Variants in ARMC5 observed in about 807,000 individuals in gnomAD.
ARMC5 encodes armadillo repeat containing 5, also known as armadillo repeat-containing protein 5.
In ARMC5, 28 loss-of-function variants were observed where a neutral mutation model predicts 60.5. The ratio of observed to expected loss-of-function variants is 0.46; its 90% confidence interval spans 0.34 to 0.63. The LOEUF (loss-of-function observed/expected upper bound fraction) is 0.63, where lower values mean the gene tolerates loss of function less well. Among genes scored for constraint, ARMC5 ranks in the 30% least tolerant of loss-of-function variants. The pLI is 0.01. For missense variants in ARMC5, 1,189 were observed against 1,304.9 expected (o/e 0.91, Z 1.37); for synonymous variants, 680 against 607.3 (o/e 1.12, Z -1.76).
At chr16:31,459,149 C>T (rs1232110340), upstream of ARMC5, 1 of 1,500,346 alleles carries the variant, frequency 6.7e-7, no homozygotes, top group African/African-American at 1.4e-5. Flanking sequence ...CGGTCCCCGC[C>T]GAGTGCACGC....
chr16:31,466,877 G>A lies in ARMC5; in HGVS notation c.2796G>A (p.Arg932=). The change falls in exon 6 of 6, where the codon AGG becomes AGA. Residue 932 remains arginine (R), a synonymous_variant. Coordinates refer to ENST00000268314, the MANE Select transcript of ARMC5 (RefSeq NM_001105247.2). This position sits in a 1 kb window ranked among gnomAD's most constrained non-coding sequence, Gnocchi z 8.0. The part of the protein sequence containing the change: ...AVVMGIELGA[R]VPA Reference sequence around the variant, plus strand: ...TGATGGGGATTGAGTTGGGGGCAAGGGTCCCTGCCTAGACTGTTGACGTCC... The same window carrying A: ...TGATGGGGATTGAGTTGGGGGCAAGAGTCCCTGCCTAGACTGTTGACGTCC... 6.4e-7 allele frequency: 1 copy of A among 1,565,400 alleles called. No homozygotes were observed.
At chr16:31,459,017 C>T (rs2082272581), upstream of ARMC5, 1 of 1,532,106 alleles carries the variant, frequency 6.5e-7, no homozygotes, top group Non-Finnish European at 8.7e-7. Flanking sequence ...AGCGAGGGCT[C>T]CCCGTCTGCG....
In ARMC5 at chr16:31,462,915, C is replaced by T. The variant is rs1413879100; in HGVS notation, c.1368C>T (p.Leu456=). ...CACAGGGTGGAAGCTTCCGGAGCCT[C>T]AGGTGAGTCCCTGCCTCAGGGCTTG... The part of the protein sequence containing the change: ...ERAQGGSFRS[L]RSWLISEGYA... Residue 456 remains leucine, a splice_region_variant and synonymous_variant, in exon 3 of 6, where the codon CTC becomes CTT. Coordinates refer to ENST00000268314, the MANE Select transcript of ARMC5 (RefSeq NM_001105247.2). This position sits in a 1 kb window ranked among gnomAD's most constrained non-coding sequence, Gnocchi z 7.2. 2 of 1,580,370 alleles carry T rather than the reference C, an allele frequency of 1.3e-6. No individual in the cohort carries two copies. The highest frequency in any genetic ancestry group is 1.2e-5 in the South Asian group (1 of 86,062).
At position 31,459,686 on chromosome 16, in the gene ARMC5, A is replaced by T; in HGVS notation, c.162A>T (p.Ala54=). 6.4e-7 allele frequency: 1 copy of T among 1,574,034 alleles called. No individual in the cohort carries two copies. The highest frequency in any genetic ancestry group is 8.5e-7 in the Non-Finnish European group (1 of 1,170,170). ...LLALRTRHIK[A]AGGIERFRAR... The stretch of plus-strand genomic sequence containing the variant: ...CCCTCCGCACGCGCCACATCAAGGC[A>T]GCGGGGGGAATCGAGCGCTTCCGGG... The change falls in exon 1 of 6, where the codon GCA becomes GCT. Residue 54 remains alanine (A), a synonymous_variant. Transcript: ENST00000268314.
chr16:31,459,653 G>A lies in ARMC5; in HGVS notation c.129G>A (p.Ala43=), dbSNP rs1225925549. 1 of 1,587,382 alleles carries A rather than the reference G, an allele frequency of 6.3e-7. No individual in the cohort carries two copies. Among genetic ancestry groups the A allele is most frequent in the Non-Finnish European group, 8.5e-7 (1 of 1,174,840 alleles). The part of the protein sequence containing the change: ...PATNETPLSR[A]LLALRTRHIK... Reference sequence around the variant, plus strand: ...CCAACGAGACACCCCTGAGCCGCGCGCTCCTAGCCCTCCGCACGCGCCACA... The same window carrying A: ...CCAACGAGACACCCCTGAGCCGCGCACTCCTAGCCCTCCGCACGCGCCACA... The change falls in exon 1 of 6, where the codon GCG becomes GCA. Residue 43 remains alanine (A), a synonymous_variant. Transcript: ENST00000268314.
intron 4 of ARMC5, chr16:31,465,155 G>A (rs1399915979): frequency 1.9e-6 from 3 of 1,611,570 alleles, no homozygotes; most frequent in Non-Finnish European, 2.5e-6. Context: ...ATCTGGGCTG[G>A]TCTGTGCTTC....
In ARMC5 at chr16:31,462,722, C is replaced by A; in HGVS notation, c.1175C>A (p.Ala392Asp). The A allele has an allele frequency of 6.2e-7, 1 of 1,613,742 alleles. No individual in the cohort carries two copies. The highest frequency in any genetic ancestry group is 8.5e-7 in the Non-Finnish European group (1 of 1,180,032). ...AGCGCATGGCACCCTCGTATTGTGG[C>A]TGCCCTTGTGGGGTTTCTGTATGAC... Reference protein sequence around the residue: ...RASAWHPRIVAALVGFLYDTG... With the variant: ...RASAWHPRIVDALVGFLYDTG... The change falls in exon 3 of 6, where the codon GCT becomes GAT. Residue 392 changes from alanine (A) to aspartate (D), a missense_variant. Physicochemically the swap from Ala to Asp is moderately radical, Grantham distance 126 (BLOSUM62 -2). Transcript: ENST00000268314. This position sits in a 1 kb window ranked among gnomAD's most constrained non-coding sequence, Gnocchi z 7.2.
chr16:31,459,510 G>C lies in ARMC5; in HGVS notation c.-15G>C. The C allele has an allele frequency of 2.5e-6, 4 of 1,595,318 alleles. No homozygotes were observed. The highest frequency in any genetic ancestry group is 2.3e-5 in the South Asian group (2 of 88,336). On this transcript the variant is annotated 5_prime_UTR_variant, in exon 1 of 6. Coordinates refer to ENST00000268314, the MANE Select transcript of ARMC5 (RefSeq NM_001105247.2). Reference sequence around the variant, plus strand: ...AGCGGCGAGAAGCGGGGCGGAGTCTGAGGCCCGAGCCAAGATGGCGGCTGC... The same window carrying C: ...AGCGGCGAGAAGCGGGGCGGAGTCTCAGGCCCGAGCCAAGATGGCGGCTGC...
chr16:31,458,834 A>G, upstream of ARMC5: 1 of 1,533,708 alleles, frequency 6.5e-7, no homozygotes, highest in Non-Finnish European at 8.7e-7. Flanking sequence ...GCTGCGAGTG[A>G]AGAACTCCCC....
At chr16:31,458,733 C>G, upstream of ARMC5, 7 of 1,474,530 alleles carry the variant, frequency 4.7e-6, no homozygotes, top group Non-Finnish European at 6.3e-6. Context: ...CCAGGGGTGA[C>G]CTGGGGGCTC....
rs762616028 is a variant in ARMC5 at position 31,459,663 on chromosome 16, C to G, written c.139C>G (p.Leu47Val). Residue 47 changes from leucine (L) to valine (V), a missense_variant, in exon 1 of 6, where the codon CTC (leucine) becomes GTC (valine). Physicochemically the swap from Leu to Val is conservative, Grantham distance 32. Transcript: ENST00000268314. ...ACCCCTGAGCCGCGCGCTCCTAGCC[C>G]TCCGCACGCGCCACATCAAGGCAGC... ...ETPLSRALLALRTRHIKAAGG... is the reference protein window; with the variant it reads ...ETPLSRALLAVRTRHIKAAGG... 20 of 1,584,152 alleles carry G rather than the reference C, an allele frequency of 1.3e-5. No homozygotes were observed. Among genetic ancestry groups the G allele is most frequent in the Middle Eastern group, 3.3e-4 (2 of 5,978 alleles).
Position 31,466,306 on chromosome 16 carries a change from C to G in ARMC5, c.2225C>G (p.Pro742Arg). 1 of 1,613,846 alleles carries G rather than the reference C, an allele frequency of 6.2e-7. No homozygotes were observed. Among genetic ancestry groups the G allele is most frequent in the South Asian group, 1.1e-5 (1 of 91,078 alleles). Residue 742 changes from proline (P) to arginine (R), a missense_variant, in exon 6 of 6, where the codon CCA (proline) becomes CGA (arginine). Pro to Arg is a moderately radical substitution (Grantham distance 103). Around this residue, in one of 2 missense-constraint regions of ARMC5, gnomAD observed 862 missense variants for 1,071.2 expected, o/e 0.80. Transcript: ENST00000268314. This position sits in a 1 kb window ranked among gnomAD's most constrained non-coding sequence, Gnocchi z 8.0. ...TGCCTCTATGAACCTCTGCTGGGCC[C>G]AGCCCCTGTCCCAGCTCCCGACCTG... is the stretch of plus-strand genomic sequence containing the variant. ...SPCLYEPLLG[P>R]APVPAPDLHF... is the part of the protein sequence containing the mutation.
Position 31,459,754 on chromosome 16 carries a change from C to G in ARMC5, c.230C>G (p.Ala77Gly). The G allele has an allele frequency of 6.5e-7, 1 of 1,535,062 alleles. No homozygotes were observed. Among genetic ancestry groups the G allele is most frequent in the Non-Finnish European group, 8.7e-7 (1 of 1,150,406 alleles). ...LRPLLALLRRAAAAGSAPSQA... is the reference protein window; with the variant it reads ...LRPLLALLRRGAAAGSAPSQA... ...CCCCTACTCGCGCTGCTACGGCGAG[C>G]GGCTGCAGCGGGTTCCGCCCCGTCC... The change falls in exon 1 of 6, where the codon GCG becomes GGG. Residue 77 changes from alanine to glycine, a missense_variant. Physicochemically the swap from Ala to Gly is moderately conservative, Grantham distance 60. Around this residue, in one of 2 missense-constraint regions of ARMC5, gnomAD observed 327 missense variants for 233.7 expected, o/e 1.40. Transcript: ENST00000268314.
intron 3 of ARMC5, among the ~76,000 whole-genome samples, chr16:31,463,899 A>T (rs1460195291): frequency 1.3e-5 from 2 of 152,286 alleles, no homozygotes; most frequent in Non-Finnish European, 2.9e-5. Flanking sequence ...CGTGACAGGC[A>T]TCAGTAATTA....
intron 4 of ARMC5, 136 bp from the exon 5 acceptor site, chr16:31,465,714 A>G (rs2082350719): frequency 6.7e-7 from 1 of 1,501,928 alleles, no homozygotes; most frequent in Non-Finnish European, 8.8e-7. Context: ...TCCCGAGCCC[A>G]GCACTGTCTC....
chr16:31,460,702 T>C (rs2082297037), intron 1 of ARMC5, among the ~76,000 whole-genome samples: 1 of 152,210 alleles, frequency 6.6e-6, no homozygotes, highest in Non-Finnish European at 1.5e-5. Context: ...GAATAGCCAC[T>C]GCATTCCAGC....
At chr16:31,459,226 C>G, upstream of ARMC5, 3 of 1,532,226 alleles carry the variant, frequency 2.0e-6, no homozygotes, top group Non-Finnish European at 1.7e-6. Flanking sequence ...CCCTGGCCCA[C>G]CTGGAGGGCC....
chr16:31,462,796 G>A lies in ARMC5; in HGVS notation c.1249G>A (p.Ala417Thr), dbSNP rs1212525861. ...LQALGLVPLL[A>T]GQLCGEAGEE... ...GGCTCTGGGACTTGTGCCTCTCCTG[G>A]CTGGGCAGCTGTGTGGTGAGGCTGG... The change falls in exon 3 of 6, where the codon GCT becomes ACT. Residue 417 changes from alanine (A) to threonine (T), a missense_variant. Transcript: ENST00000268314. This position sits in a 1 kb window ranked among gnomAD's most constrained non-coding sequence, Gnocchi z 7.2. 1 of 1,613,998 alleles carries A rather than the reference G, an allele frequency of 6.2e-7. No individual in the cohort carries two copies. The highest frequency in any genetic ancestry group is 1.1e-5 in the South Asian group (1 of 91,084).
In ARMC5 at chr16:31,463,713, C is replaced by T. The variant is rs7194202; in HGVS notation, c.1371-681C>T. On this transcript the variant is annotated intron_variant, in intron 3 of 5. Transcript: ENST00000268314. ...GTGAGCCACCATGCCCAGCCCCCAGCGCTTCCTATTTCCTTTTTATTTTCT... is the reference window on the plus strand; with the variant it reads ...GTGAGCCACCATGCCCAGCCCCCAGTGCTTCCTATTTCCTTTTTATTTTCT... Among the ~76,000 whole-genome samples, 983 of 152,120 alleles carry T rather than the reference C, an allele frequency of 6.5e-3. 17 individuals are homozygous for T. Among genetic ancestry groups the T allele is most frequent in the African/African-American group, 0.023 (935 of 41,484 alleles).
Sources: allele counts gnomAD v4.1 joint callset (sites outside exome capture counted in the v4.1 genomes callset), GRCh38; gene constraint gnomAD v4.1.1; regional missense constraint gnomAD v4.1.1; non-coding constraint Gnocchi (gnomAD v3.1); transcripts MANE v1.5; gene names NCBI Gene and HGNC (gene_info 2026-07-23, HGNC 2026-07-21).